DNAAF11: variants seen among roughly 807,000 people sequenced by gnomAD.
DNAAF11 encodes leucine rich repeat containing 6.
Under a neutral mutation model 60.8 loss-of-function variants are expected in DNAAF11, and 45 were observed. The ratio of observed to expected loss-of-function variants is 0.74; its 90% CI spans 0.58 to 0.95. DNAAF11 has a LOEUF of 0.95. Ranked by LOEUF, DNAAF11 falls within the 40% of genes least tolerant of loss-of-function variation. The pLI, the probability that DNAAF11 is intolerant of heterozygous loss-of-function variation, is 0.00. For synonymous variants in DNAAF11, 191 were observed against 183.5 expected, an observed-to-expected ratio of 1.04 and a Z score of -0.33; for missense variants, 546 against 546.2, an observed-to-expected ratio of 1.00 and a Z score of 0.00.
chr8:132,596,373 A>G (rs1817019344), intron 10 of DNAAF11, among the ~76,000 whole-genome samples: 1 of 152,182 alleles, frequency 6.6e-6, no homozygotes, highest in Admixed American at 6.6e-5. Context: ...TTCCTTCAAA[A>G]TTATTTTCTA....
At chr8:132,681,332 T>C in the DNAAF11 span, among the ~76,000 whole-genome samples, 1 of 151,366 alleles carries the variant, frequency 6.6e-6, no homozygotes, top group Non-Finnish European at 1.5e-5. Context: ...TTTTTTTTTT[T>C]TTGGCAAACA....
intron 2 of DNAAF11, among the ~76,000 whole-genome samples, chr8:132,657,441 T>A (rs900730821): frequency 6.6e-6 from 1 of 152,210 alleles, no homozygotes; most frequent in Non-Finnish European, 1.5e-5. Flanking sequence ...GGACAAAGCC[T>A]GAGAGCTGGT....
At chr8:132,656,539 T>A (rs943625344) in intron 3 of DNAAF11, among the ~76,000 whole-genome samples, 3 of 152,224 alleles carry the variant, frequency 2.0e-5, no homozygotes, top group African/African-American at 7.2e-5. Context: ...TGGCGCAATC[T>A]CAGCTCACTG....
chr8:132,581,336 T>C (rs1227908446), intron 11 of DNAAF11, among the ~76,000 whole-genome samples: 5 of 152,084 alleles, frequency 3.3e-5, no homozygotes, highest in Admixed American at 1.3e-4. Flanking sequence ...GTTCATCAAA[T>C]GACACCAGGA....
chr8:132,599,240 T>G (rs1356278075), intron 10 of DNAAF11, among the ~76,000 whole-genome samples: 1 of 152,170 alleles, frequency 6.6e-6, no homozygotes, highest in Non-Finnish European at 1.5e-5. Context: ...GTTGAATCCC[T>G]GAATGGACCA....
At chr8:132,600,360 T>C (rs551749186) in intron 10 of DNAAF11, among the ~76,000 whole-genome samples, 141 of 152,240 alleles carry the variant, frequency 9.3e-4, no homozygotes, top group African/African-American at 3.2e-3. Context: ...AGGTAATTTA[T>C]AGATTCAATG....
At chr8:132,628,540 T>C (rs1820500870) in intron 5 of DNAAF11, among the ~76,000 whole-genome samples, 1 of 152,216 alleles carries the variant, frequency 6.6e-6, no homozygotes, top group African/African-American at 2.4e-5. Context: ...TTCTCCAGGC[T>C]GGAGGCAGGC....
chr8:132,600,086 A>G (rs969311553), intron 10 of DNAAF11, among the ~76,000 whole-genome samples: 8 of 152,218 alleles, frequency 5.3e-5, no homozygotes, highest in Non-Finnish European at 1.0e-4. Context: ...CTCAGGATAC[A>G]AAATCAATGT....
chr8:132,571,041 T>C lies in DNAAF11; in HGVS notation c.*1265A>G, dbSNP rs766415562. 6.6e-6 allele frequency among the ~76,000 whole-genome samples: 1 copy of C among 152,214 alleles called. No homozygotes were observed. The highest frequency in any genetic ancestry group is 1.5e-5 in the Non-Finnish European group (1 of 68,036). On this transcript the variant is annotated 3_prime_UTR_variant, in exon 12 of 12. Transcript: ENST00000620350. Reference sequence around the variant, plus strand: ...CCACATTTGTGCCCAATTGCATTCCTATAACCAGTCCCTCATTCTCATCAT... The same window carrying C: ...CCACATTTGTGCCCAATTGCATTCCCATAACCAGTCCCTCATTCTCATCAT...
chr8:132,642,676 G>A (rs1178307307), intron 3 of DNAAF11, among the ~76,000 whole-genome samples: 1 of 152,242 alleles, frequency 6.6e-6, no homozygotes, highest in Non-Finnish European at 1.5e-5. Context: ...AACACGCCCA[G>A]AAGCAGCTCC....
At chr8:132,633,082 A>G in intron 4 of DNAAF11, 119 bp from the exon 5 acceptor site, 2 of 612,304 alleles carry the variant, frequency 3.3e-6, no homozygotes, top group Non-Finnish European at 5.7e-6. Flanking sequence ...TTAAAACAAT[A>G]TAATTAATGG....
intron 5 of DNAAF11, among the ~76,000 whole-genome samples, chr8:132,626,426 A>C (rs1422004953): frequency 6.6e-6 from 1 of 152,202 alleles, no homozygotes; most frequent in Non-Finnish European, 1.5e-5. Flanking sequence ...TTACATGGTA[A>C]CAGTTCTCTC....
At chr8:132,668,941 T>C (rs971971101) in intron 1 of DNAAF11, among the ~76,000 whole-genome samples, 10 of 152,176 alleles carry the variant, frequency 6.6e-5, no homozygotes, top group African/African-American at 2.4e-4. Flanking sequence ...GCGAAGAGAT[T>C]GTTCAGCCAA....
At chr8:132,573,284 G>A (rs970878621) in intron 11 of DNAAF11, among the ~76,000 whole-genome samples, 2 of 152,104 alleles carry the variant, frequency 1.3e-5, no homozygotes, top group Non-Finnish European at 2.9e-5. Context: ...TCACTGCACC[G>A]TTCATTCAAA....
chr8:132,611,405 A>G (rs768970860), intron 8 of DNAAF11, 42 bp from the exon 9 acceptor site: 2 of 1,204,844 alleles, frequency 1.7e-6, no homozygotes, highest in African/African-American at 1.5e-5. Context: ...TTTAAAAAAT[A>G]TCAAGTTTGA....
intron 7 of DNAAF11, among the ~76,000 whole-genome samples, chr8:132,617,278 T>C (rs1819262935): frequency 6.6e-6 from 1 of 151,902 alleles, no homozygotes; most frequent in Non-Finnish European, 1.5e-5. Flanking sequence ...GCTGAGGAGT[T>C]TGTTATAGGG....
At chr8:132,652,005 T>C (rs974328933) in intron 3 of DNAAF11, among the ~76,000 whole-genome samples, 35 of 152,348 alleles carry the variant, frequency 2.3e-4, no homozygotes, top group African/African-American at 7.7e-4. Flanking sequence ...GATGTAGATT[T>C]ATGTAATTGT....
intron 3 of DNAAF11, among the ~76,000 whole-genome samples, chr8:132,647,578 G>A (rs1822529745): frequency 6.6e-6 from 1 of 152,090 alleles, no homozygotes; most frequent in Non-Finnish European, 1.5e-5. Flanking sequence ...CCAGGAGCTG[G>A]TTTTTTGAAA....
intron 10 of DNAAF11, among the ~76,000 whole-genome samples, chr8:132,600,674 A>C (rs1817516719): frequency 6.6e-6 from 1 of 152,226 alleles, no homozygotes; most frequent in Non-Finnish European, 1.5e-5. Flanking sequence ...GAAATGGGGA[A>C]AGGATTCCCT....
Sources: gnomAD v4.1 joint callset for allele counts (sites outside exome capture counted in the v4.1 genomes callset) on GRCh38, gnomAD v4.1.1 for gene constraint, MANE v1.5 for transcripts, NCBI Gene and HGNC (gene_info 2026-07-23, HGNC 2026-07-21) for gene names.